The following AZIN2 variants were observed in gnomAD, a reference collection of about 807,000 sequenced individuals.
The protein encoded by AZIN2 is ODC antizyme inhibitor-2.
A neutral mutation model predicts 47.8 loss-of-function variants in AZIN2; 28 were observed. The observed-to-expected ratio is 0.59, with a 90% CI of 0.43 to 0.80. The LOEUF is 0.80. Ranked by LOEUF, AZIN2 falls within the 30% of genes least tolerant of loss-of-function variation. The pLI is 0.00. For missense variants in AZIN2, 535 were observed against 582.5 expected (o/e 0.92, Z 0.84); for synonymous variants, 221 against 239.4 (o/e 0.92, Z 0.71).
At position 33,121,696 on chromosome 1, in the gene AZIN2, C is replaced by T. The variant is rs1456155840; in HGVS notation, c.*1514C>T. ...CATTAGCAGTCACTCTCCATTTTTCCCATTCCCCAGTCCCTGATGACACAA... is the reference window on the plus strand; with the variant it reads ...CATTAGCAGTCACTCTCCATTTTTCTCATTCCCCAGTCCCTGATGACACAA... On this transcript the variant is annotated 3_prime_UTR_variant, in exon 12 of 12. Coordinates refer to ENST00000294517, the MANE Select transcript of AZIN2 (RefSeq NM_052998.4). 6.6e-6 allele frequency among the ~76,000 whole-genome samples: 1 copy of T among 152,190 alleles called. No individual in the cohort carries two copies. The highest frequency in any genetic ancestry group is 2.4e-5 in the African/African-American group (1 of 41,432).
chr1:33,081,689 T>C lies in AZIN2; in HGVS notation c.-196T>C, dbSNP rs760580016. ...GATCAGTCCAGCCCCCATTTACAAT[T>C]GGGGAAACTGCGGCTCCGAAAGGGT... On this transcript the variant is annotated 5_prime_UTR_variant, in exon 3 of 12. Coordinates refer to ENST00000294517, the MANE Select transcript of AZIN2 (RefSeq NM_052998.4). This position sits in a 1 kb window ranked among gnomAD's most constrained non-coding sequence, Gnocchi z 4.2. 14 of 173,500 alleles carry C rather than the reference T, an allele frequency of 8.1e-5. No individual in the cohort carries two copies. The highest frequency in any genetic ancestry group is 1.3e-4 in the Non-Finnish European group (10 of 79,606). The allele number at this position is 173,500 out of a possible 1,614,324, so 10.7% of individuals were successfully genotyped here.
At chr1:33,150,028 C>T in the AZIN2 span, among the ~76,000 whole-genome samples, 1 of 152,220 alleles carries the variant, frequency 6.6e-6, no homozygotes, top group East Asian at 1.9e-4. Context: ...CTTAGCAGGT[C>T]TGACTAAAAA....
At chr1:33,091,748 T>C (rs1642572869) in intron 5 of AZIN2, among the ~76,000 whole-genome samples, 1 of 152,184 alleles carries the variant, frequency 6.6e-6, no homozygotes, top group African/African-American at 2.4e-5. Flanking sequence ...AATGAGATGC[T>C]TTACTGCCAG....
At chr1:33,098,351 A>G (rs979182898) in intron 10 of AZIN2, among the ~76,000 whole-genome samples, 172 bp downstream of exon 10, 6 of 152,228 alleles carry the variant, frequency 3.9e-5, no homozygotes, top group Admixed American at 1.3e-4. Flanking sequence ...AGCATTACAT[A>G]TTTTAAAAAA....
chr1:33,141,509 A>G, the AZIN2 span, among the ~76,000 whole-genome samples: 5 of 152,096 alleles, frequency 3.3e-5, no homozygotes, highest in Non-Finnish European at 5.9e-5. Context: ...AGATTCGATC[A>G]CATCTAGTCT....
At chr1:33,146,699 A>G in the AZIN2 span, 2 of 176,616 alleles carry the variant, frequency 1.1e-5, no homozygotes, top group Non-Finnish European at 2.4e-5. Context: ...ACTACCTGTG[A>G]CCACTGTGGA....
chr1:33,161,554 C>T, the AZIN2 span, among the ~76,000 whole-genome samples: 4 of 152,042 alleles, frequency 2.6e-5, no homozygotes, highest in African/African-American at 9.7e-5. This position sits in a 1 kb window ranked among gnomAD's most constrained non-coding sequence, Gnocchi z 4.3. Flanking sequence ...GGGCCAGCCT[C>T]GCTGCGCATG....
rs957641782 is a variant in AZIN2 at position 33,081,982 on chromosome 1, C to T, written c.-73+170C>T. The T allele has an allele frequency of 4.2e-6, 2 of 479,340 alleles. No individual in the cohort carries two copies. Among genetic ancestry groups the T allele is most frequent in the Non-Finnish European group, 7.7e-6 (2 of 261,200 alleles). The allele number at this position is 479,340 out of a possible 1,614,324, so 29.7% of individuals were successfully genotyped here. ...AGAGGGAGCAACTGACTCGGAGAGG[C>T]AGTGACATTTGGGCATACGGTGCCT... On this transcript the variant is annotated intron_variant, in intron 3 of 11. Coordinates refer to ENST00000294517, the MANE Select transcript of AZIN2 (RefSeq NM_052998.4). This position sits in a 1 kb window ranked among gnomAD's most constrained non-coding sequence, Gnocchi z 4.2.
chr1:33,158,421 A>G, the AZIN2 span: 536 of 1,519,798 alleles, frequency 3.5e-4, 2 homozygotes, highest in East Asian at 0.011. Flanking sequence ...TCCTGCCCCA[A>G]TGCCAGGGGC....
At position 33,082,193 on chromosome 1, in the gene AZIN2, C is replaced by T; in HGVS notation, c.-57C>T. ...CGCCCCGCAGTGTGTTGCATACTTTCTAAGGCGGCGGCTGCAGCAGCGGCT... is the reference window on the plus strand; with the variant it reads ...CGCCCCGCAGTGTGTTGCATACTTTTTAAGGCGGCGGCTGCAGCAGCGGCT... On this transcript the variant is annotated 5_prime_UTR_variant, in exon 4 of 12. Coordinates refer to ENST00000294517, the MANE Select transcript of AZIN2 (RefSeq NM_052998.4). The T allele has an allele frequency of 6.8e-7, 1 of 1,461,812 alleles. No homozygotes were observed. The highest frequency in any genetic ancestry group is 2.3e-5 in the East Asian group (1 of 43,064). 90.6% of individuals were successfully genotyped at this position (1,461,812 alleles called of 1,614,324 possible). A position where few individuals can be genotyped will look rare whatever the true frequency, so the allele number is the denominator to read the frequency against.
At chr1:33,128,141 G>C (rs1257948361), downstream of AZIN2, among the ~76,000 whole-genome samples, 1 of 148,680 alleles carries the variant, frequency 6.7e-6, no homozygotes, top group Non-Finnish European at 1.5e-5. Flanking sequence ...AAGGTGGAAG[G>C]ATTGTTTGAG....
At position 33,092,089 on chromosome 1, in the gene AZIN2, A is replaced by G; in HGVS notation, c.319A>G (p.Ser107Gly). The change falls in exon 6 of 12, where the codon AGT becomes GGT. Residue 107 changes from serine to glycine, a missense_variant. Ser to Gly is a moderately conservative substitution (Grantham distance 56). Coordinates refer to ENST00000294517, the MANE Select transcript of AZIN2 (RefSeq NM_052998.4). ...ELVQHIGIPA[S>G]KIICANPCKQ... ...GGTCCAGCATATTGGAATCCCTGCC[A>G]GTAAGATCATCTGCGCCAACCCCTG... 6.2e-7 allele frequency: 1 copy of G among 1,614,160 alleles called. No individual in the cohort carries two copies. The highest frequency in any genetic ancestry group is 8.5e-7 in the Non-Finnish European group (1 of 1,180,022).
chr1:33,085,337 T>C (rs762277245), intron 5 of AZIN2, among the ~76,000 whole-genome samples: 4 of 151,818 alleles, frequency 2.6e-5, no homozygotes, highest in Admixed American at 6.6e-5. Context: ...GGAGAGAGGA[T>C]TGTACTTTTA....
At chr1:33,163,041 G>GT in the AZIN2 span, 1 of 151,854 alleles carries the variant, frequency 6.6e-6, no homozygotes, top group East Asian at 1.9e-4. Context: ...TGTTTTTGTT[G>GT]TTTTTTATTT....
intron 11 of AZIN2, 89 bp from the exon 12 acceptor site, chr1:33,119,955 A>T: frequency 6.4e-7 from 1 of 1,568,264 alleles, no homozygotes; most frequent in Admixed American, 1.8e-5. Flanking sequence ...CTCACGTGAG[A>T]GCCCTCTGCC....
rs1644831239 is a variant in AZIN2, at chr1:33,123,417, T to C, written c.*3235T>C. ...TTATTACCTAGAACGGAGTAGGTGT[T>C]CAAAAAGTATATGCTGGATGGGCAA... On this transcript the variant is annotated 3_prime_UTR_variant, in exon 12 of 12. Coordinates refer to ENST00000294517, the MANE Select transcript of AZIN2 (RefSeq NM_052998.4). 6.6e-6 allele frequency among the ~76,000 whole-genome samples: 1 copy of C among 152,222 alleles called. No homozygotes were observed. Among genetic ancestry groups the C allele is most frequent in the Non-Finnish European group, 1.5e-5 (1 of 68,026 alleles).
At chr1:33,095,700 CTT>C (rs1469912925) in intron 8 of AZIN2, among the ~76,000 whole-genome samples, 2 of 152,186 alleles carry the variant, frequency 1.3e-5, no homozygotes, top group East Asian at 3.8e-4. Context: ...CTGCATATAA[CTT>C]TTGATTCCCC....
the AZIN2 span, among the ~76,000 whole-genome samples, chr1:33,144,874 G>A: frequency 6.6e-6 from 1 of 152,212 alleles, no homozygotes; most frequent in African/African-American, 2.4e-5. Context: ...ACAGCTCCAG[G>A]CACTGACTCT....
the AZIN2 span, chr1:33,164,411 A>G: frequency 6.6e-6 from 1 of 152,334 alleles, no homozygotes. Flanking sequence ...CACTCTGTAT[A>G]GTGGGGACTC....
Sources: gnomAD v4.1 joint callset for allele counts (sites outside exome capture counted in the v4.1 genomes callset) on GRCh38, gnomAD v4.1.1 for gene constraint, Gnocchi (gnomAD v3.1) non-coding constraint, MANE v1.5 for transcripts, NCBI Gene and HGNC (gene_info 2026-07-23, HGNC 2026-07-21) for gene names.